Variants in EPS15L1 observed in about 807,000 individuals in gnomAD.
EPS15L1 encodes epidermal growth factor receptor pathway substrate 15 like 1, also known as epidermal growth factor receptor substrate 15-like 1.
In EPS15L1, 43 loss-of-function variants were observed where a neutral mutation model predicts 117.1. The observed-to-expected ratio is 0.37, with a 90% confidence interval of 0.29 to 0.47. The LOEUF (loss-of-function observed/expected upper bound fraction) is 0.47, where lower values mean the gene tolerates loss of function less well. Ranked by LOEUF, EPS15L1 falls within the 20% of genes least tolerant of loss-of-function variation. EPS15L1 has a pLI of 0.99. For synonymous variants in EPS15L1, 459 were observed against 470.5 expected, an observed-to-expected ratio of 0.98 and a Z score of 0.32; for missense variants, 981 against 1,164.0, an observed-to-expected ratio of 0.84 and a Z score of 2.29.
intron 4 of EPS15L1, 35 bp from the exon 5 acceptor site, chr19:16,437,900 A>C (rs544025345): frequency 6.6e-7 from 1 of 1,524,356 alleles, no homozygotes; most frequent in East Asian, 2.3e-5. Flanking sequence ...AGTAAACAGC[A>C]TATCGCCAGT....
intron 8 of EPS15L1, among the ~76,000 whole-genome samples, chr19:16,426,677 C>G (rs112643671): frequency 6.6e-6 from 1 of 152,010 alleles, no homozygotes; most frequent in Middle Eastern, 3.2e-3. Flanking sequence ...AAAAAGTCCA[C>G]GTCAAGAGAC....
At chr19:16,468,488 G>C (rs927278487) in intron 1 of EPS15L1, among the ~76,000 whole-genome samples, 1 of 151,156 alleles carries the variant, frequency 6.6e-6, no homozygotes, top group African/African-American at 2.4e-5. Context: ...TGGGATTATA[G>C]GCGTTTGCCA....
At chr19:16,462,377 G>C (rs531436164) in intron 1 of EPS15L1, among the ~76,000 whole-genome samples, 2 of 152,156 alleles carry the variant, frequency 1.3e-5, no homozygotes, top group South Asian at 2.1e-4. Flanking sequence ...AGGGAAGTGG[G>C]GGGGAGGGCA....
rs144013205 is a variant in EPS15L1, at chr19:16,379,837, A to G, written c.2248-2583T>C. Among the ~76,000 whole-genome samples, 25 of 152,012 alleles carry G rather than the reference A, an allele frequency of 1.6e-4. No individual in the cohort carries two copies. The East Asian group carries it at 4.8e-3, about 29-fold the overall frequency. On this transcript the variant is annotated intron_variant, in intron 21 of 23. Transcript: ENST00000455140. Reference sequence around the variant, plus strand: ...AGATGTGGCCATCTGAGGCTCCAGCATCTAGTCACACAAAAGTGGCTGTCT... The same window carrying G: ...AGATGTGGCCATCTGAGGCTCCAGCGTCTAGTCACACAAAAGTGGCTGTCT...
chr19:16,415,354 T>C (rs2092748325), intron 12 of EPS15L1, among the ~76,000 whole-genome samples: 1 of 152,174 alleles, frequency 6.6e-6, no homozygotes, highest in Non-Finnish European at 1.5e-5. Flanking sequence ...ATGAATGGAC[T>C]AAGACCCTCC....
chr19:16,367,451 T>C (rs559899067), intron 22 of EPS15L1, among the ~76,000 whole-genome samples: 1 of 131,694 alleles, frequency 7.6e-6, no homozygotes, highest in Admixed American at 9.0e-5. Context: ...GGACTGACTT[T>C]AGCAAAAACA....
Position 16,393,944 on chromosome 19 carries a change from A to AT in EPS15L1, c.1966+6dup, listed in dbSNP as rs2092512058. 6.2e-7 allele frequency: 1 copy of AT among 1,613,784 alleles called. No homozygotes were observed. Among genetic ancestry groups the AT allele is most frequent in the South Asian group, 1.1e-5 (1 of 91,072 alleles). ...TAAAGACCGGTCCGGGAAACACTGA[A>AT]TTTTACCTGTTGAAGTTGTCTGCTG... On this transcript the variant is annotated splice_region_variant and intron_variant, in intron 18 of 23. Coordinates refer to ENST00000455140, the MANE Select transcript of EPS15L1 (RefSeq NM_001258374.3).
At chr19:16,360,064 G>GTT (rs71885683) in intron 23 of EPS15L1, among the ~76,000 whole-genome samples, 32 of 139,508 alleles carry the variant, frequency 2.3e-4, no homozygotes, top group South Asian at 2.3e-4. Context: ...AACCTTGGGT[G>GTT]TTTTTTTTTT....
chr19:16,364,457 G>A (rs1425633887), intron 22 of EPS15L1, among the ~76,000 whole-genome samples: 3 of 152,074 alleles, frequency 2.0e-5, no homozygotes, highest in Non-Finnish European at 4.4e-5. Flanking sequence ...GCTCTACTGC[G>A]GCCTCCTCCT....
chr19:16,464,273 G>C (rs1599695183), intron 1 of EPS15L1, among the ~76,000 whole-genome samples: 1 of 152,186 alleles, frequency 6.6e-6, no homozygotes, highest in African/African-American at 2.4e-5. Context: ...CCTATGAAGG[G>C]AAAAGCCCAA....
In EPS15L1 at chr19:16,445,642, G is replaced by C. The variant is rs1034760837; in HGVS notation, c.34-3423C>G. ...CCCAGGCAGTCTGTCACTGGCCCCT[G>C]TGCAGAGACCTCTTGGCCCCCAAAA... is the stretch of plus-strand genomic sequence containing the variant. On this transcript the variant is annotated intron_variant, in intron 1 of 23. Coordinates refer to ENST00000455140, the MANE Select transcript of EPS15L1 (RefSeq NM_001258374.3). Among the ~76,000 whole-genome samples, 5 of 152,334 alleles carry C rather than the reference G, an allele frequency of 3.3e-5. No homozygotes were observed. The East Asian group carries it at 9.6e-4, about 29-fold the overall frequency.
At chr19:16,448,247 A>G (rs2093103620) in intron 1 of EPS15L1, among the ~76,000 whole-genome samples, 1 of 152,136 alleles carries the variant, frequency 6.6e-6, no homozygotes, top group Admixed American at 6.6e-5. Context: ...AGAGCCATGT[A>G]AGGCCTGGCG....
intron 1 of EPS15L1, among the ~76,000 whole-genome samples, chr19:16,452,616 A>G (rs139831954): frequency 7.4e-5 from 11 of 148,426 alleles, no homozygotes; most frequent in Middle Eastern, 3.4e-3. Flanking sequence ...CCTGCACAAC[A>G]TAGCAAAATG....
intron 8 of EPS15L1, among the ~76,000 whole-genome samples, chr19:16,425,579 C>A (rs185860524): frequency 6.6e-6 from 1 of 152,360 alleles, no homozygotes; most frequent in Non-Finnish European, 1.5e-5. Context: ...CATCCCTTCA[C>A]CACTCAGGGA....
rs780116455 is a variant in EPS15L1 at position 16,381,828 on chromosome 19, G to A, written c.2247+3301C>T. 4.6e-5 allele frequency among the ~76,000 whole-genome samples: 7 copies of A among 152,224 alleles called. No individual in the cohort carries two copies. Among genetic ancestry groups the A allele is most frequent in the Non-Finnish European group, 8.8e-5 (6 of 68,032 alleles). On this transcript the variant is annotated intron_variant, in intron 21 of 23. Transcript: ENST00000455140. The surrounding 1 kb of genome is among the most constrained non-coding windows in gnomAD (Gnocchi z 4.2). ...GAACATGTCCCTGGGCCTAGGGCCCGTGCGAGTCCCCCGCGGCCTGGGATG... is the reference window on the plus strand; with the variant it reads ...GAACATGTCCCTGGGCCTAGGGCCCATGCGAGTCCCCCGCGGCCTGGGATG...
intron 12 of EPS15L1, among the ~76,000 whole-genome samples, chr19:16,416,259 T>G (rs1599610313): frequency 6.6e-6 from 1 of 152,244 alleles, no homozygotes; most frequent in East Asian, 1.9e-4. Context: ...ACAATCTCTT[T>G]CCCACAGAGG....
rs1284138313 is a variant in EPS15L1, at chr19:16,471,930, T to A, written c.16A>T (p.Ile6Phe). 1.1e-5 allele frequency: 14 copies of A among 1,293,356 alleles called. No individual in the cohort carries two copies. The highest frequency in any genetic ancestry group is 1.4e-5 in the Non-Finnish European group (14 of 1,022,250). The allele number at this position is 1,293,356 out of a possible 1,614,324, so 80.1% of individuals were successfully genotyped here. Residue 6 changes from isoleucine (I) to phenylalanine (F), a missense_variant, in exon 1 of 24, where the codon ATC becomes TTC. Ile to Phe is a conservative substitution (Grantham distance 21, BLOSUM62 0). Coordinates refer to ENST00000455140, the MANE Select transcript of EPS15L1 (RefSeq NM_001258374.3). The surrounding 1 kb of genome is among the most constrained non-coding windows in gnomAD (Gnocchi z 4.8). The part of the protein sequence containing the change: MAAPL[I>F]PLSQQIPTGN... ...GCCCGTACCTGCTGGGAGAGGGGGA[T>A]GAGCGGCGCCGCCATCTTCCCGCGG...
At chr19:16,455,299 T>C (rs1010904062) in intron 1 of EPS15L1, among the ~76,000 whole-genome samples, 1 of 133,034 alleles carries the variant, frequency 7.5e-6, no homozygotes, top group Non-Finnish European at 1.6e-5. Flanking sequence ...TTTTTTCTTT[T>C]TTTTGTAAAG....
chr19:16,455,938 C>T (rs1347357587), intron 1 of EPS15L1, among the ~76,000 whole-genome samples: 1 of 152,228 alleles, frequency 6.6e-6, no homozygotes, highest in African/African-American at 2.4e-5. Flanking sequence ...CAGTGGATCA[C>T]ACCTATAATT....
Sources: allele counts gnomAD v4.1 joint callset (sites outside exome capture counted in the v4.1 genomes callset), GRCh38; gene constraint gnomAD v4.1.1; non-coding constraint Gnocchi (gnomAD v3.1); transcripts MANE v1.5; gene names NCBI Gene and HGNC (gene_info 2026-07-23, HGNC 2026-07-21).